The following APOL3 variants were observed in gnomAD, a reference collection of about 807,000 sequenced individuals.
APOL3 encodes TNF-inducible protein CG12-1.
Under a neutral mutation model 11.6 loss-of-function variants are expected in APOL3, and 14 were observed. The observed-to-expected ratio is 1.21, with a 90% CI of 0.80 to 1.89. The LOEUF (loss-of-function observed/expected upper bound fraction) is 1.89. Ranked by LOEUF, APOL3 falls within the 40% of genes most tolerant of loss-of-function variation. APOL3 has a pLI of 0.00. For missense variants in APOL3, 483 were observed against 492.1 expected, an observed-to-expected ratio of 0.98 and a Z score of 0.17; for synonymous variants, 192 against 190.6, an observed-to-expected ratio of 1.01 and a Z score of -0.06.
At chr22:36,146,554 A>T (rs2060228507) in intron 1 of APOL3, 1 of 150,862 alleles carries the variant, frequency 6.6e-6, no homozygotes, top group South Asian at 2.1e-4. Context: ...AAATATATAT[A>T]ATATATATAT....
rs150185051 is a variant in APOL3 at position 36,149,492 on chromosome 22, C to G, written c.224-3893G>C. ...GGAACGTTCTGACAATGACCTGGGC[C>G]TGGCAACATGTGTGATAACTAATTG... On this transcript the variant is annotated intron_variant, in intron 1 of 2. Transcript: ENST00000349314. The G allele has an allele frequency of 1.7e-4, 150 of 880,978 alleles. 1 individual carries two copies. In the African/African-American group the frequency reaches 2.5e-3, roughly 15 times the overall value. The allele number at this position is 880,978 out of a possible 1,614,324, so 54.6% of individuals were successfully genotyped here.
chr22:36,161,174 T>C (rs2013675057), upstream of APOL3, among the ~76,000 whole-genome samples: 1 of 152,072 alleles, frequency 6.6e-6, no homozygotes, highest in Non-Finnish European at 1.5e-5. Context: ...ATTGATTGTA[T>C]TGCTGTTGGG....
intron 1 of APOL3, among the ~76,000 whole-genome samples, chr22:36,147,501 T>G (rs946049441): frequency 6.6e-6 from 1 of 152,150 alleles, no homozygotes; most frequent in Non-Finnish European, 1.5e-5. Context: ...GGTTGGCTGG[T>G]AGGTCCCGGC....
exon 3 of APOL3, chr22:36,141,982 G>C (rs546014974): frequency 1.2e-6 from 2 of 1,614,036 alleles, no homozygotes; most frequent in African/African-American, 2.7e-5. Flanking sequence ...TCATCTTTCT[G>C]CTGCACATAT....
At chr22:36,163,973 T>C (rs1035061973), upstream of APOL3, among the ~76,000 whole-genome samples, 1 of 152,234 alleles carries the variant, frequency 6.6e-6, no homozygotes, top group South Asian at 2.1e-4. Flanking sequence ...TTGTTATAGT[T>C]ATTCTCATAT....
chr22:36,157,102 T>C (rs2013007895), intron 1 of APOL3: 1 of 448,714 alleles, frequency 2.2e-6, no homozygotes, highest in Admixed American at 2.4e-5. Flanking sequence ...TTCTCCCGTG[T>C]CCTCCCCAGT....
At chr22:36,158,972 T>C (rs1313203679) in intron 1 of APOL3, among the ~76,000 whole-genome samples, 4 of 136,576 alleles carry the variant, frequency 2.9e-5, no homozygotes, top group Non-Finnish European at 5.0e-5. Flanking sequence ...TGTGCGTGTG[T>C]GTGTGTGTGT....
intron 1 of APOL3, chr22:36,153,419 C>T (rs1280916899): frequency 2.2e-6 from 1 of 455,948 alleles, no homozygotes; most frequent in Non-Finnish European, 4.4e-6. Flanking sequence ...GCTGGGGTAA[C>T]CAAGCTGCTA....
upstream of APOL3, among the ~76,000 whole-genome samples, chr22:36,163,257 G>A (rs1042234700): frequency 1.3e-5 from 2 of 152,152 alleles, no homozygotes; most frequent in African/African-American, 4.8e-5. Context: ...TAAAATTACT[G>A]ATTAAGAGAG....
upstream of APOL3, chr22:36,165,661 A>G (rs1218513981): frequency 6.6e-6 from 1 of 152,066 alleles, no homozygotes; most frequent in Non-Finnish European, 1.5e-5. Flanking sequence ...GATTCTACAC[A>G]AGGTTACCGC....
At chr22:36,156,075 C>T (rs529411497) in intron 1 of APOL3, 4 of 195,468 alleles carry the variant, frequency 2.0e-5, no homozygotes, top group East Asian at 1.5e-4. Flanking sequence ...GTGAAGACAC[C>T]GTGCTCCTCC....
At chr22:36,154,672 G>C in intron 1 of APOL3, 1 of 470,242 alleles carries the variant, frequency 2.1e-6, no homozygotes, top group Middle Eastern at 3.3e-4. Context: ...CACACACAGG[G>C]TGACTCTGAG....
intron 1 of APOL3, chr22:36,146,007 ACT>A (rs150167329): frequency 0.28 from 29,443 of 104,720 alleles, 4,824 homozygotes; most frequent in East Asian, 0.74. Flanking sequence ...TCTCTCACAC[ACT>A]CACACACACA....
chr22:36,164,131 T>C (rs2013800769), upstream of APOL3, among the ~76,000 whole-genome samples: 1 of 152,240 alleles, frequency 6.6e-6, no homozygotes, highest in African/African-American at 2.4e-5. Flanking sequence ...CCAACACCCA[T>C]ATTTAGCTAC....
chr22:36,145,700 T>G, intron 1 of APOL3, 101 bp from the exon 3 acceptor site: 1 of 1,445,044 alleles, frequency 6.9e-7, no homozygotes, highest in Non-Finnish European at 9.4e-7. Flanking sequence ...CAACCAGCTG[T>G]CACATGGGGT....
intron 1 of APOL3, among the ~76,000 whole-genome samples, chr22:36,158,181 A>C (rs1035338651): frequency 1.3e-5 from 2 of 152,234 alleles, no homozygotes; most frequent in Non-Finnish European, 2.9e-5. Flanking sequence ...GTGATCACAG[A>C]GACATACGTT....
chr22:36,145,505 C>G, exon 2 of APOL3: 1 of 1,614,162 alleles, frequency 6.2e-7, no homozygotes, highest in Non-Finnish European at 8.5e-7. Context: ...CGAATCTCTT[C>G]CAGGCTTCAT....
chr22:36,158,982 TGTGTGTGTGAATTTGTGA>T (rs1366272024), intron 1 of APOL3, among the ~76,000 whole-genome samples: 1 of 152,068 alleles, frequency 6.6e-6, no homozygotes, highest in African/African-American at 2.4e-5. Flanking sequence ...TGTGTGTGTG[TGTGTGTGTGAATTTGTGA>T]GTGTGTGTGT....
In APOL3 at chr22:36,141,735, C is replaced by T. The variant is rs779016894; in HGVS notation, c.674G>A (p.Gly225Glu). The T allele has an allele frequency of 1.2e-6, 2 of 1,613,928 alleles. No individual in the cohort carries two copies. The highest frequency in any genetic ancestry group is 2.2e-5 in the East Asian group (1 of 44,890). The change falls in exon 3 of 3, where the codon GGG (glycine) becomes GAG (glutamate). Residue 225 changes from glycine to glutamate, a missense_variant. Transcript: ENST00000349314. ...AGTCACAGCAGACGCTGCTCCCAGC[C>T]CTACCCCAGCTGCAGTAAGGGCCAG...
Sources: allele counts gnomAD v4.1 joint callset (sites outside exome capture counted in the v4.1 genomes callset), GRCh38; gene constraint gnomAD v4.1.1; transcripts MANE v1.5; gene names NCBI Gene and HGNC (gene_info 2026-07-23, HGNC 2026-07-21).